Variants in TMEM64 observed in about 807,000 individuals in gnomAD.
TMEM64 encodes the protein transmembrane protein 64.
A neutral mutation model predicts 24.5 loss-of-function variants in TMEM64; 19 were observed. That is an observed-to-expected ratio of 0.78 (90% CI 0.54 to 1.14). TMEM64 has a LOEUF of 1.14. Among genes scored for constraint, TMEM64 ranks in the 50% most tolerant of loss-of-function variants. The pLI, the probability that TMEM64 is intolerant of heterozygous loss-of-function variation, is 0.00. For synonymous variants in TMEM64, 262 were observed against 224.7 expected, an observed-to-expected ratio of 1.17 and a Z score of -1.49; for missense variants, 487 against 493.0, an observed-to-expected ratio of 0.99 and a Z score of 0.12.
At chr8:90,643,399 G>A (rs927889864) in intron 1 of TMEM64, among the ~76,000 whole-genome samples, 8 of 152,168 alleles carry the variant, frequency 5.3e-5, no homozygotes, top group African/African-American at 1.4e-4. Flanking sequence ...ATAAGAAACT[G>A]AAGCCCAGAG....
chr8:90,626,621 TTTTC>T (rs1809363680), intron 2 of TMEM64, among the ~76,000 whole-genome samples: 4 of 134,590 alleles, frequency 3.0e-5, no homozygotes, highest in South Asian at 2.3e-4. Flanking sequence ...TGTACTTTTT[TTTTC>T]TTTCTTTTTT....
chr8:90,628,661 A>T (rs9297883), intron 2 of TMEM64, among the ~76,000 whole-genome samples: 10,344 of 152,218 alleles, frequency 0.068, 1,129 homozygotes, highest in African/African-American at 0.23. Flanking sequence ...AATAACAGGC[A>T]TGGAAGAGTA....
intron 2 of TMEM64, among the ~76,000 whole-genome samples, chr8:90,630,095 G>A (rs1809415185): frequency 6.6e-6 from 1 of 152,172 alleles, no homozygotes; most frequent in Non-Finnish European, 1.5e-5. Flanking sequence ...TATTTGCTTA[G>A]AGGAGTATAG....
intron 1 of TMEM64, among the ~76,000 whole-genome samples, chr8:90,644,543 A>T (rs911012252): frequency 1.3e-5 from 2 of 152,246 alleles, no homozygotes; most frequent in African/African-American, 4.8e-5. Context: ...GTTCCTCCAA[A>T]GAAAGAAAGA....
At position 90,625,397 on chromosome 8, in the gene TMEM64, T is replaced by C; in HGVS notation, c.*274A>G. On this transcript the variant is annotated 3_prime_UTR_variant, in exon 3 of 3. Coordinates refer to ENST00000458549, the MANE Select transcript of TMEM64 (RefSeq NM_001008495.4). ...TTTGGGTTATTTCTCTGTTCGTAAA[T>C]ACACAGAAATAAAACAATTAAAAAA... 1 of 282,646 alleles carries C rather than the reference T, an allele frequency of 3.5e-6. No individual in the cohort carries two copies. Among genetic ancestry groups the C allele is most frequent in the Middle Eastern group, 1.0e-3 (1 of 996 alleles). 17.5% of individuals were successfully genotyped at this position (282,646 alleles called of 1,614,324 possible).
At chr8:90,643,566 C>A (rs1010848919) in intron 1 of TMEM64, among the ~76,000 whole-genome samples, 2 of 152,118 alleles carry the variant, frequency 1.3e-5, no homozygotes, top group African/African-American at 4.8e-5. Flanking sequence ...GTGGAAAGAG[C>A]CGAGGACAGT....
chr8:90,638,166 C>T (rs942583866), intron 1 of TMEM64, among the ~76,000 whole-genome samples: 9 of 151,996 alleles, frequency 5.9e-5, no homozygotes, highest in African/African-American at 2.2e-4. Flanking sequence ...GCTTAAACTC[C>T]CTCCTACTGC....
chr8:90,623,245 AGT>A lies in TMEM64; in HGVS notation c.*2424_*2425del, dbSNP rs1484400552. The A allele has an allele frequency of 6.6e-6, 1 of 152,194 alleles. No individual in the cohort carries two copies. The highest frequency in any genetic ancestry group is 2.4e-5 in the African/African-American group (1 of 41,460). 9.4% of individuals were successfully genotyped at this position (152,194 alleles called of 1,614,324 possible). A position where few individuals can be genotyped will look rare whatever the true frequency, so the allele number is the denominator to read the frequency against. Reference sequence around the variant, plus strand: ...CATTTCATTTCTATAAATATACATGAGTGGAGACATTTTATAAGTACATATGA... The same window carrying A: ...CATTTCATTTCTATAAATATACATGAGGAGACATTTTATAAGTACATATGA... On this transcript the variant is annotated 3_prime_UTR_variant, in exon 3 of 3. Transcript: ENST00000458549.
chr8:90,630,758 G>A (rs1302728887), intron 2 of TMEM64, among the ~76,000 whole-genome samples: 1 of 151,866 alleles, frequency 6.6e-6, no homozygotes, highest in East Asian at 1.9e-4. Flanking sequence ...TTAAATATGT[G>A]GCATATAAAG....
At chr8:90,636,090 G>A (rs936425981) in intron 1 of TMEM64, among the ~76,000 whole-genome samples, 1 of 152,130 alleles carries the variant, frequency 6.6e-6, no homozygotes, top group Non-Finnish European at 1.5e-5. Context: ...GGGAAACAGT[G>A]TTACTATGCA....
At chr8:90,635,408 T>A (rs949168318) in intron 1 of TMEM64, among the ~76,000 whole-genome samples, 3 of 132,796 alleles carry the variant, frequency 2.3e-5, no homozygotes, top group African/African-American at 3.8e-5. Context: ...ATTTTATTTT[T>A]TTTGAGACGG....
In TMEM64 at chr8:90,631,796, G is replaced by A. The variant is rs574702493; in HGVS notation, c.796-89C>T. On this transcript the variant is annotated intron_variant, in intron 1 of 2. Coordinates refer to ENST00000458549, the MANE Select transcript of TMEM64 (RefSeq NM_001008495.4). Reference sequence around the variant, plus strand: ...ATGTGTGTATTAAGTCTAACTAGTGGTATTTCCTCGGGAAGGAGCTGACAT... The same window carrying A: ...ATGTGTGTATTAAGTCTAACTAGTGATATTTCCTCGGGAAGGAGCTGACAT... 4.5e-6 allele frequency: 5 copies of A among 1,118,756 alleles called. No individual in the cohort carries two copies. The East Asian group carries it at 9.8e-5, about 22-fold the overall frequency. The allele number at this position is 1,118,756 out of a possible 1,614,324, so 69.3% of individuals were successfully genotyped here.
intron 1 of TMEM64, among the ~76,000 whole-genome samples, chr8:90,638,110 C>T (rs1563450659): frequency 1.4e-5 from 2 of 141,718 alleles, no homozygotes; most frequent in Non-Finnish European, 2.9e-5. Context: ...CACTCACTAC[C>T]TATGGTAACC....
chr8:90,637,751 T>A (rs1458394467), intron 1 of TMEM64, among the ~76,000 whole-genome samples: 1 of 152,078 alleles, frequency 6.6e-6, no homozygotes, highest in Non-Finnish European at 1.5e-5. Flanking sequence ...CCAAAATACT[T>A]CCTATTAATA....
In TMEM64 at chr8:90,631,701, C is replaced by T. The variant is rs1346125700; in HGVS notation, c.802G>A (p.Asp268Asn). 1 of 1,611,520 alleles carries T rather than the reference C, an allele frequency of 6.2e-7. No homozygotes were observed. Among genetic ancestry groups the T allele is most frequent in the Non-Finnish European group, 8.5e-7 (1 of 1,178,200 alleles). ...ATCAGATAGTTGGGTAATGAGAGAT[C>T]AGTAATCTAGAAGAGTAGATTAAAG... ...GLQNAVFSIT[D>N]LSLPNYLMAS... Residue 268 changes from aspartate (D) to asparagine (N), a missense_variant, in exon 2 of 3, where the codon GAT becomes AAT. Physicochemically the swap from Asp to Asn is conservative, Grantham distance 23. Coordinates refer to ENST00000458549, the MANE Select transcript of TMEM64 (RefSeq NM_001008495.4).
At chr8:90,637,338 G>A (rs1809537987) in intron 1 of TMEM64, among the ~76,000 whole-genome samples, 1 of 152,050 alleles carries the variant, frequency 6.6e-6, no homozygotes, top group South Asian at 2.1e-4. Flanking sequence ...TTACACAATG[G>A]CTTTACCACT....
In TMEM64 at chr8:90,625,557, G is replaced by A; in HGVS notation, c.*114C>T. The stretch of plus-strand genomic sequence containing the variant: ...AAAAAATTGTGCAATTTAAAAACTA[G>A]TCAGTTTTGTTTGTGCTGTAATACA... On this transcript the variant is annotated 3_prime_UTR_variant, in exon 3 of 3. Transcript: ENST00000458549. 1.2e-6 allele frequency: 1 copy of A among 827,466 alleles called. No homozygotes were observed. The highest frequency in any genetic ancestry group is 1.8e-6 in the Non-Finnish European group (1 of 551,506). The allele number at this position is 827,466 out of a possible 1,614,324, so 51.3% of individuals were successfully genotyped here.
chr8:90,638,424 G>GCATC (rs1809554135), intron 1 of TMEM64, among the ~76,000 whole-genome samples: 1 of 152,020 alleles, frequency 6.6e-6, no homozygotes, highest in African/African-American at 2.4e-5. Context: ...ATTACTCTAG[G>GCATC]AAACCTTCCC....
chr8:90,645,894 C>A lies in TMEM64; in HGVS notation c.12G>T (p.Pro4=). 2 of 1,139,480 alleles carry A rather than the reference C, an allele frequency of 1.8e-6. No homozygotes were observed. Among genetic ancestry groups the A allele is most frequent in the Non-Finnish European group, 1.1e-6 (1 of 928,562 alleles). The allele number at this position is 1,139,480 out of a possible 1,614,324, so 70.6% of individuals were successfully genotyped here. ...GCAGCGCCTGGAGCAGGATCCCGCC[C>A]GGGCTCCGCATGCCTCGGCCCAGCG... MRS[P]GGILLQALPR... is the part of the protein sequence containing the mutation. The change falls in exon 1 of 3, where the codon CCG becomes CCT. Residue 4 remains proline, a synonymous_variant. Transcript: ENST00000458549. The surrounding 1 kb of genome is among the most constrained non-coding windows in gnomAD (Gnocchi z 4.2).
Sources: allele counts gnomAD v4.1 joint callset (sites outside exome capture counted in the v4.1 genomes callset), GRCh38; gene constraint gnomAD v4.1.1; non-coding constraint Gnocchi (gnomAD v3.1); transcripts MANE v1.5; gene names NCBI Gene and HGNC (gene_info 2026-07-23, HGNC 2026-07-21).